RBFOX1: variants seen among roughly 807,000 people sequenced by gnomAD.
RBFOX1 encodes the protein RNA binding fox-1 homolog 1, also known as RNA binding protein fox-1 homolog 1.
RBFOX1 carries 8 observed loss-of-function variants against 57.7 expected under a neutral mutation model. The ratio of observed to expected loss-of-function variants is 0.14; its 90% CI spans 0.08 to 0.25. The LOEUF (loss-of-function observed/expected upper bound fraction) is 0.25. Ranked by LOEUF, RBFOX1 falls within the 10% of genes least tolerant of loss-of-function variation. The pLI is 1.00. For synonymous variants in RBFOX1, 326 were observed against 222.4 expected (o/e 1.47, Z -4.15); for missense variants, 611 against 548.5 (o/e 1.11, Z -1.14).
intron 2 of RBFOX1, among the ~76,000 whole-genome samples, chr16:5,515,487 A>C (rs2043759284): frequency 6.6e-6 from 1 of 152,204 alleles, no homozygotes; most frequent in Non-Finnish European, 1.5e-5. Context: ...CTTGTCCAAC[A>C]AAATGGTTCC....
At chr16:6,606,524 C>T (rs190959501) in intron 2 of RBFOX1, among the ~76,000 whole-genome samples, 5 of 152,286 alleles carry the variant, frequency 3.3e-5, no homozygotes, top group African/African-American at 1.2e-4. Flanking sequence ...CCTCCTCCTT[C>T]CCCTCTACGA....
At chr16:6,154,213 G>A (rs1193063704) in intron 1 of RBFOX1, among the ~76,000 whole-genome samples, 1 of 152,180 alleles carries the variant, frequency 6.6e-6, no homozygotes, top group African/African-American at 2.4e-5. Context: ...ATGGGTAACT[G>A]TCACATTACT....
chr16:6,264,901 A>G (rs904630659), intron 1 of RBFOX1, among the ~76,000 whole-genome samples: 1 of 152,176 alleles, frequency 6.6e-6, no homozygotes, highest in Non-Finnish European at 1.5e-5. Flanking sequence ...GTAAATGTGC[A>G]GTGAGCATTG....
chr16:6,349,017 T>C (rs562647377), intron 2 of RBFOX1, among the ~76,000 whole-genome samples: 2 of 152,332 alleles, frequency 1.3e-5, no homozygotes, highest in Admixed American at 6.5e-5. Context: ...TTCCTGATTT[T>C]ATCAGGATCT....
intron 2 of RBFOX1, among the ~76,000 whole-genome samples, chr16:6,595,702 A>C (rs912924308): frequency 6.6e-6 from 1 of 152,122 alleles, no homozygotes; most frequent in Non-Finnish European, 1.5e-5. Flanking sequence ...CCTTTTGTCC[A>C]CATCGTCACG....
chr16:5,534,834 C>T (rs1002998692), intron 2 of RBFOX1, among the ~76,000 whole-genome samples: 5 of 152,164 alleles, frequency 3.3e-5, no homozygotes, highest in Non-Finnish European at 4.4e-5. Context: ...TGACACCTAA[C>T]ATCAACTATC....
intron 1 of RBFOX1, among the ~76,000 whole-genome samples, chr16:6,109,089 T>C (rs900285767): frequency 6.6e-6 from 1 of 152,192 alleles, no homozygotes; most frequent in African/African-American, 2.4e-5. Context: ...TGTACAAGAA[T>C]GGGGGTTTAG....
intron 1 of RBFOX1, among the ~76,000 whole-genome samples, chr16:6,289,754 T>A (rs530622318): frequency 2.6e-5 from 4 of 152,210 alleles, no homozygotes; most frequent in African/African-American, 9.6e-5. Flanking sequence ...TCCCAGGCAA[T>A]TTGAGCAAAC....
At chr16:5,479,258 G>C (rs148713614) in intron 2 of RBFOX1, among the ~76,000 whole-genome samples, 2 of 152,126 alleles carry the variant, frequency 1.3e-5, no homozygotes, top group East Asian at 3.9e-4. Context: ...AAGCCTTGTT[G>C]CCAATCAGAT....
At chr16:7,289,298 A>G (rs1485503308) in intron 4 of RBFOX1, among the ~76,000 whole-genome samples, 3 of 152,170 alleles carry the variant, frequency 2.0e-5, no homozygotes, top group African/African-American at 7.2e-5. Context: ...TTCTAGCCTA[A>G]GAGAACAGGG....
intron 1 of RBFOX1, among the ~76,000 whole-genome samples, chr16:5,432,708 G>A (rs1406190047): frequency 1.3e-5 from 2 of 151,912 alleles, no homozygotes; most frequent in Non-Finnish European, 2.9e-5. Context: ...CCGAGTTTAT[G>A]GGGGGCCCTC....
intron 3 of RBFOX1, among the ~76,000 whole-genome samples, chr16:6,944,906 C>G (rs1255701885): frequency 6.6e-6 from 1 of 152,050 alleles, no homozygotes; most frequent in South Asian, 2.1e-4. Flanking sequence ...ATTTGCAGCT[C>G]TTAGCTATTC....
intron 4 of RBFOX1, among the ~76,000 whole-genome samples, chr16:7,239,632 T>C (rs374161451): frequency 5.9e-5 from 9 of 152,300 alleles, no homozygotes; most frequent in African/African-American, 2.2e-4. Flanking sequence ...TGAGGCTTTA[T>C]TGCCCCCTGA....
At chr16:5,386,911 C>T (rs765135527) in intron 1 of RBFOX1, among the ~76,000 whole-genome samples, 4 of 152,072 alleles carry the variant, frequency 2.6e-5, no homozygotes, top group Admixed American at 6.5e-5. Context: ...ATTAGCTGGG[C>T]GTGGTGGTGG....
intron 2 of RBFOX1, among the ~76,000 whole-genome samples, chr16:6,651,610 G>C (rs1450023913): frequency 6.6e-6 from 1 of 152,184 alleles, no homozygotes; most frequent in African/African-American, 2.4e-5. Flanking sequence ...TGTTAGTGGG[G>C]ATGTAAAATG....
chr16:5,313,387 C>G (rs568795421), intron 1 of RBFOX1, among the ~76,000 whole-genome samples: 1 of 152,260 alleles, frequency 6.6e-6, no homozygotes, highest in Admixed American at 6.5e-5. Context: ...ATTGCTGTGT[C>G]TTTGGGAGGT....
chr16:6,412,637 G>A (rs765326624), intron 2 of RBFOX1, among the ~76,000 whole-genome samples: 40 of 152,300 alleles, frequency 2.6e-4, no homozygotes, highest in African/African-American at 4.1e-4. Context: ...ATAAGCAAGC[G>A]CTTCACATGC....
intron 5 of RBFOX1, among the ~76,000 whole-genome samples, chr16:7,534,566 T>A (rs2083751552): frequency 1.3e-5 from 2 of 152,166 alleles, no homozygotes; most frequent in East Asian, 3.9e-4. Context: ...CCCGATTCGA[T>A]CCACTGAAAG....
intron 4 of RBFOX1, among the ~76,000 whole-genome samples, chr16:7,158,027 A>G (rs2077499221): frequency 6.6e-6 from 1 of 152,170 alleles, no homozygotes; most frequent in African/African-American, 2.4e-5. Flanking sequence ...GCTTTTACTC[A>G]GGTTTATCCA....
Sources: gnomAD v4.1 joint callset for allele counts (sites outside exome capture counted in the v4.1 genomes callset) on GRCh38, gnomAD v4.1.1 for gene constraint, MANE v1.5 for transcripts, NCBI Gene and HGNC (gene_info 2026-07-23, HGNC 2026-07-21) for gene names.